The following CLSTN2 variants were observed in gnomAD, a reference collection of about 807,000 sequenced individuals.
CLSTN2 encodes the protein calsyntenin-2.
Under a neutral mutation model 101.2 loss-of-function variants are expected in CLSTN2, and 48 were observed. The observed-to-expected ratio is 0.47, with a 90% CI of 0.38 to 0.60. The LOEUF (loss-of-function observed/expected upper bound fraction) is 0.60, where lower values mean the gene tolerates loss of function less well. Ranked by LOEUF, CLSTN2 falls within the 20% of genes least tolerant of loss-of-function variation. CLSTN2 has a pLI of 0.00. For missense variants in CLSTN2, 1,160 were observed against 1,238.2 expected (o/e 0.94, Z 0.95); for synonymous variants, 481 against 463.6 (o/e 1.04, Z -0.48).
At chr3:140,442,545 C>T (rs573672101) in intron 5 of CLSTN2, among the ~76,000 whole-genome samples, 49 of 152,172 alleles carry the variant, frequency 3.2e-4, no homozygotes, top group Non-Finnish European at 6.3e-4. Context: ...GGTTAACACT[C>T]TTAAATTTAA....
intron 8 of CLSTN2, among the ~76,000 whole-genome samples, chr3:140,469,061 G>A (rs960747862): frequency 1.3e-5 from 2 of 152,152 alleles, no homozygotes; most frequent in African/African-American, 4.8e-5. Context: ...TCCTCACATG[G>A]CAGAGAGGGA....
At chr3:140,149,429 G>A (rs2009828587) in intron 1 of CLSTN2, among the ~76,000 whole-genome samples, 1 of 150,972 alleles carries the variant, frequency 6.6e-6, no homozygotes, top group African/African-American at 2.4e-5. Context: ...ATAAAATATA[G>A]AGCATCCAGT....
chr3:140,019,433 C>T (rs1460173310), intron 1 of CLSTN2, among the ~76,000 whole-genome samples: 1 of 152,160 alleles, frequency 6.6e-6, no homozygotes, highest in Non-Finnish European at 1.5e-5. Flanking sequence ...TGGGCTCTTC[C>T]CTGGGTCACC....
intron 8 of CLSTN2, among the ~76,000 whole-genome samples, chr3:140,467,333 G>A (rs959753533): frequency 2.0e-5 from 3 of 152,330 alleles, no homozygotes; most frequent in East Asian, 1.9e-4. Context: ...TCTGAGGACT[G>A]TGGAGCATTA....
At chr3:140,296,962 C>CTGGGTGGA (rs1196740352) in intron 2 of CLSTN2, among the ~76,000 whole-genome samples, 1 of 152,204 alleles carries the variant, frequency 6.6e-6, no homozygotes, top group Non-Finnish European at 1.5e-5. Flanking sequence ...CACCACTGTG[C>CTGGGTGGA]TGGGTGGATG....
intron 2 of CLSTN2, among the ~76,000 whole-genome samples, chr3:140,284,265 C>A (rs969799791): frequency 6.6e-6 from 1 of 151,832 alleles, no homozygotes; most frequent in East Asian, 1.9e-4. Context: ...AATACAAGAA[C>A]AAATTGGGTT....
At chr3:140,525,008 T>C (rs1365916946) in intron 8 of CLSTN2, among the ~76,000 whole-genome samples, 1 of 152,074 alleles carries the variant, frequency 6.6e-6, no homozygotes, top group African/African-American at 2.4e-5. Flanking sequence ...AGATTTCAAT[T>C]TAACAATCTA....
At chr3:140,031,307 G>C (rs573660568) in intron 1 of CLSTN2, among the ~76,000 whole-genome samples, 52 of 152,290 alleles carry the variant, frequency 3.4e-4, no homozygotes, top group African/African-American at 1.2e-3. Flanking sequence ...GTGACGCGCA[G>C]CATGAAATTC....
At chr3:140,141,735 G>T (rs1449802057) in intron 1 of CLSTN2, among the ~76,000 whole-genome samples, 1 of 152,152 alleles carries the variant, frequency 6.6e-6, no homozygotes, top group Non-Finnish European at 1.5e-5. Flanking sequence ...GCACATGCAC[G>T]CCACATAGCA....
intron 1 of CLSTN2, among the ~76,000 whole-genome samples, chr3:140,144,003 G>T (rs139635429): frequency 1.3e-5 from 2 of 152,146 alleles, no homozygotes; most frequent in Non-Finnish European, 2.9e-5. Context: ...TGCTCTAGAC[G>T]GATAAAATTA....
At chr3:140,279,152 T>C (rs866344135) in intron 2 of CLSTN2, among the ~76,000 whole-genome samples, 3 of 152,198 alleles carry the variant, frequency 2.0e-5, no homozygotes, top group Admixed American at 6.5e-5. Flanking sequence ...ATCCATCCCA[T>C]TGGCTTCTAT....
chr3:140,401,507 T>C (rs536394307), intron 2 of CLSTN2, among the ~76,000 whole-genome samples: 8 of 152,336 alleles, frequency 5.3e-5, no homozygotes, highest in Admixed American at 4.6e-4. Flanking sequence ...TCCTCTTTCC[T>C]CTCCTCTGTC....
intron 1 of CLSTN2, among the ~76,000 whole-genome samples, chr3:140,128,465 A>G (rs2009470595): frequency 6.6e-6 from 1 of 152,226 alleles, no homozygotes; most frequent in South Asian, 2.1e-4. Context: ...AGGATTATTT[A>G]CAAAAGTGTG....
intron 4 of CLSTN2, among the ~76,000 whole-genome samples, chr3:140,414,828 C>A (rs2088409882): frequency 6.6e-6 from 1 of 151,896 alleles, no homozygotes; most frequent in Non-Finnish European, 1.5e-5. Flanking sequence ...AAGATACAAT[C>A]CTAAAATTCA....
At chr3:139,948,975 T>C (rs1935252606) in intron 1 of CLSTN2, among the ~76,000 whole-genome samples, 1 of 152,128 alleles carries the variant, frequency 6.6e-6, no homozygotes, top group Non-Finnish European at 1.5e-5. Flanking sequence ...TTCAGCCCCA[T>C]CTGCAGGACG....
chr3:140,296,704 G>A (rs1383843114), intron 2 of CLSTN2, among the ~76,000 whole-genome samples: 1 of 152,200 alleles, frequency 6.6e-6, no homozygotes, highest in African/African-American at 2.4e-5. Context: ...CTCTATAGAG[G>A]TTTTTAAGGT....
intron 1 of CLSTN2, among the ~76,000 whole-genome samples, chr3:140,139,302 C>A (rs1303461325): frequency 3.9e-5 from 6 of 152,184 alleles, no homozygotes; most frequent in Admixed American, 2.6e-4. Context: ...AAATTGAAAT[C>A]ATAATATTTT....
chr3:140,319,476 CATGAAA>C (rs1371865331), intron 2 of CLSTN2, among the ~76,000 whole-genome samples: 20 of 152,218 alleles, frequency 1.3e-4, no homozygotes, highest in Non-Finnish European at 2.5e-4. Context: ...GAGCCATGGT[CATGAAA>C]ATCTTTCAAT....
chr3:140,182,599 C>G (rs2010426707), intron 2 of CLSTN2, among the ~76,000 whole-genome samples: 1 of 152,158 alleles, frequency 6.6e-6, no homozygotes, highest in African/African-American at 2.4e-5. Flanking sequence ...GACCAGAAGG[C>G]AGGGTGTCCC....
Sources: gnomAD v4.1 joint callset for allele counts (sites outside exome capture counted in the v4.1 genomes callset) on GRCh38, gnomAD v4.1.1 for gene constraint, MANE v1.5 for transcripts, NCBI Gene and HGNC (gene_info 2026-07-23, HGNC 2026-07-21) for gene names.